Variants in SPRY3 observed in about 807,000 individuals in gnomAD.
The protein encoded by SPRY3 is sprouty RTK signaling antagonist 3, also known as protein sprouty homolog 3.
Under a neutral mutation model 20.2 loss-of-function variants are expected in SPRY3, and 15 were observed. The observed-to-expected ratio is 0.74, with a 90% CI of 0.50 to 1.14. The LOEUF (loss-of-function observed/expected upper bound fraction) is 1.14, where lower values mean the gene tolerates loss of function less well. SPRY3 is among the 50% of genes most tolerant of loss of function. The pLI is 0.00. For synonymous variants in SPRY3, 143 were observed against 136.5 expected (o/e 1.05, Z -0.33); for missense variants, 364 against 363.9 (o/e 1.00, Z 0.00).
At chrX:155,740,038 A>G (rs182351129) in intron 2 of SPRY3, among the ~76,000 whole-genome samples, 20 of 152,262 alleles carry the variant, frequency 1.3e-4, no homozygotes, top group African/African-American at 4.8e-4. Flanking sequence ...GGGACTCCGA[A>G]CAGAGGGACC....
intron 2 of SPRY3, among the ~76,000 whole-genome samples, chrX:155,690,053 T>C (rs2068098929): frequency 1.1e-5 from 1 of 88,735 alleles, no homozygotes; most frequent in African/African-American, 5.4e-5. Context: ...GCTTCTTGAT[T>C]TCTGCCTTAA....
At chrX:155,762,687 T>A (rs566900809) in intron 2 of SPRY3, among the ~76,000 whole-genome samples, 2 of 152,186 alleles carry the variant, frequency 1.3e-5, no homozygotes, top group South Asian at 2.1e-4. Flanking sequence ...ATGGCTATTA[T>A]TAAGAAGTCA....
chrX:155,738,831 C>T (rs1411602970), intron 2 of SPRY3, among the ~76,000 whole-genome samples: 1 of 152,192 alleles, frequency 6.6e-6, no homozygotes, highest in Non-Finnish European at 1.5e-5. Flanking sequence ...AGGAGCTTTG[C>T]ATACTCCACC....
chrX:155,742,388 A>T (rs1347113494), intron 2 of SPRY3, among the ~76,000 whole-genome samples: 1 of 152,170 alleles, frequency 6.6e-6, no homozygotes, highest in Non-Finnish European at 1.5e-5. Flanking sequence ...CCACACAATA[A>T]TACTAGGAGA....
chrX:155,714,675 T>G (rs1271473165), intron 2 of SPRY3, among the ~76,000 whole-genome samples: 1 of 150,844 alleles, frequency 6.6e-6, no homozygotes, highest in Non-Finnish European at 1.5e-5. Context: ...GGCAAGTTTT[T>G]TCAGGCCCCA....
intron 1 of SPRY3, among the ~76,000 whole-genome samples, chrX:155,651,394 A>C (rs1324489711): frequency 8.9e-6 from 1 of 111,903 alleles, no homozygotes; most frequent in African/African-American, 3.3e-5. Flanking sequence ...TGGTAGGTTT[A>C]TAGGGGTATC....
At chrX:155,651,127 G>A (rs2067976165) in intron 1 of SPRY3, among the ~76,000 whole-genome samples, 1 of 107,432 alleles carries the variant, frequency 9.3e-6, no homozygotes, top group African/African-American at 3.4e-5. Flanking sequence ...CCAGACTGGA[G>A]TGCAGTGGTG....
chrX:155,735,784 G>T, intron 2 of SPRY3, among the ~76,000 whole-genome samples: 1 of 151,780 alleles, frequency 6.6e-6, no homozygotes, highest in East Asian at 1.9e-4. Context: ...GTTTTAATTG[G>T]TGTATTTAGA....
intron 1 of SPRY3, among the ~76,000 whole-genome samples, chrX:155,618,941 C>G (rs145448721): frequency 0.013 from 1,446 of 111,136 alleles, 24 homozygotes; most frequent in African/African-American, 0.044. Context: ...ATTTAACATA[C>G]TAATTCTTTG....
intron 2 of SPRY3, among the ~76,000 whole-genome samples, chrX:155,696,419 T>G (rs2068119081): frequency 9.0e-6 from 1 of 111,144 alleles, no homozygotes; most frequent in Admixed American, 9.6e-5. Context: ...CCCCCAAGAC[T>G]TTGATAACTG....
chrX:155,657,792 G>C (rs187249324), intron 2 of SPRY3, among the ~76,000 whole-genome samples: 1 of 112,147 alleles, frequency 8.9e-6, no homozygotes, highest in East Asian at 2.8e-4. Context: ...TGCAAAAACC[G>C]TGGGAAAAGC....
intron 2 of SPRY3, among the ~76,000 whole-genome samples, chrX:155,759,871 T>C (rs1176856139): frequency 6.6e-6 from 1 of 152,188 alleles, no homozygotes; most frequent in Non-Finnish European, 1.5e-5. Flanking sequence ...CAGTACATGC[T>C]CTGACAACAG....
At chrX:155,754,408 A>C (rs2091275763) in intron 2 of SPRY3, among the ~76,000 whole-genome samples, 1 of 152,050 alleles carries the variant, frequency 6.6e-6, no homozygotes, top group South Asian at 2.1e-4. Context: ...CATAAACGTA[A>C]GGTTTTATTT....
intron 2 of SPRY3, among the ~76,000 whole-genome samples, chrX:155,745,771 G>A (rs28512393): frequency 0.014 from 2,148 of 152,086 alleles, 49 homozygotes; most frequent in African/African-American, 0.05. Context: ...CATATAGTAA[G>A]CACCGAATAT....
intron 2 of SPRY3, 146 bp from the exon 2 acceptor site, chrX:155,767,816 G>A (rs1310621466): frequency 6.6e-6 from 1 of 151,310 alleles, no homozygotes; most frequent in Admixed American, 6.6e-5. Flanking sequence ...GCTTTCTTTG[G>A]GAAATACGTC....
At chrX:155,657,498 G>A (rs1460747980) in intron 2 of SPRY3, among the ~76,000 whole-genome samples, 2 of 112,335 alleles carry the variant, frequency 1.8e-5, no homozygotes, top group Non-Finnish European at 3.8e-5. Context: ...ACCTCAGACT[G>A]CTGTGCTAGC....
chrX:155,704,522 G>A (rs1296456130), intron 2 of SPRY3, among the ~76,000 whole-genome samples: 2 of 151,602 alleles, frequency 1.3e-5, no homozygotes, highest in African/African-American at 4.8e-5. Flanking sequence ...TTCAAGAGCT[G>A]TGTGACAATA....
At chrX:155,781,677 G>C (rs1381946498), downstream of SPRY3, 1 of 166,962 alleles carries the variant, frequency 6.0e-6, no homozygotes, top group Non-Finnish European at 1.5e-5. Flanking sequence ...GAGTGTATGA[G>C]AATCATTAAA....
At chrX:155,695,902 C>CTCATATG (rs2068116977) in intron 2 of SPRY3, among the ~76,000 whole-genome samples, 1 of 110,582 alleles carries the variant, frequency 9.0e-6, no homozygotes, top group Non-Finnish European at 1.9e-5. Context: ...CTTTAAAGTC[C>CTCATATG]TCATATGACA....
Sources: allele counts gnomAD v4.1 joint callset (sites outside exome capture counted in the v4.1 genomes callset), GRCh38; gene constraint gnomAD v4.1.1; transcripts MANE v1.5; gene names NCBI Gene and HGNC (gene_info 2026-07-23, HGNC 2026-07-21).